GRM8: variants seen among roughly 807,000 people sequenced by gnomAD.
GRM8 encodes glutamate metabotropic receptor 8.
A neutral mutation model predicts 87.2 loss-of-function variants in GRM8; 47 were observed. That is an observed-to-expected ratio of 0.54 (90% CI 0.43 to 0.69). GRM8 has a LOEUF of 0.69. Ranked by LOEUF, GRM8 falls within the 30% of genes least tolerant of loss-of-function variation. The pLI is 0.00. For missense variants in GRM8, 1,019 were observed against 1,139.2 expected (o/e 0.89, Z 1.52); for synonymous variants, 396 against 404.5 (o/e 0.98, Z 0.25).
At chr7:127,159,889 C>T (rs938227604) in intron 2 of GRM8, among the ~76,000 whole-genome samples, 1 of 152,118 alleles carries the variant, frequency 6.6e-6, no homozygotes, top group South Asian at 2.1e-4. Flanking sequence ...TGCAATAAAA[C>T]ATGCTCGCAA....
chr7:127,159,033 A>C (rs544097898), intron 2 of GRM8, among the ~76,000 whole-genome samples: 260 of 152,276 alleles, frequency 1.7e-3, no homozygotes, highest in Non-Finnish European at 2.7e-3. Context: ...CCTGTATGGA[A>C]ATTACGCTGA....
intron 9 of GRM8, among the ~76,000 whole-genome samples, chr7:126,504,494 T>A (rs1810137210): frequency 6.6e-6 from 1 of 151,982 alleles, no homozygotes; most frequent in Non-Finnish European, 1.5e-5. Flanking sequence ...GACTTTTAAT[T>A]TTTTATGTAT....
intron 8 of GRM8, among the ~76,000 whole-genome samples, chr7:126,566,922 G>A (rs918890282): frequency 6.6e-6 from 1 of 152,168 alleles, no homozygotes; most frequent in African/African-American, 2.4e-5. Flanking sequence ...AAATAAGCCA[G>A]TAACAGAAAG....
intron 3 of GRM8, among the ~76,000 whole-genome samples, chr7:127,069,497 A>G (rs559015883): frequency 6.6e-6 from 1 of 152,220 alleles, no homozygotes; most frequent in East Asian, 1.9e-4. Context: ...AAAAAAAGAA[A>G]TCACCCCTTT....
At chr7:126,520,059 GT>G (rs1357081780) in intron 9 of GRM8, among the ~76,000 whole-genome samples, 1 of 151,564 alleles carries the variant, frequency 6.6e-6, no homozygotes, top group Non-Finnish European at 1.5e-5. Flanking sequence ...CATAAGGTAG[GT>G]TTTAAGCCTG....
At chr7:126,910,971 T>C (rs532215390) in intron 3 of GRM8, among the ~76,000 whole-genome samples, 1 of 152,326 alleles carries the variant, frequency 6.6e-6, no homozygotes, top group Non-Finnish European at 1.5e-5. Flanking sequence ...TCATAATAAC[T>C]ATCTCTCAGG....
At chr7:127,055,585 A>C (rs1819898960) in intron 3 of GRM8, among the ~76,000 whole-genome samples, 1 of 152,172 alleles carries the variant, frequency 6.6e-6, no homozygotes, top group African/African-American at 2.4e-5. Context: ...AGGTGATTGC[A>C]AAAGACTTAT....
At chr7:126,670,538 T>C (rs4728047) in intron 7 of GRM8, among the ~76,000 whole-genome samples, 2 of 152,170 alleles carry the variant, frequency 1.3e-5, no homozygotes, top group Non-Finnish European at 2.9e-5. Flanking sequence ...GACATTTTGT[T>C]ATTCACAGAC....
At chr7:126,549,018 A>C (rs1817482491) in intron 8 of GRM8, among the ~76,000 whole-genome samples, 1 of 152,202 alleles carries the variant, frequency 6.6e-6, no homozygotes, top group African/African-American at 2.4e-5. Flanking sequence ...TCAAATTTAA[A>C]TCCACATAGA....
chr7:127,125,765 A>AACACACACACACACAC (rs375563287), intron 2 of GRM8, among the ~76,000 whole-genome samples: 3,407 of 141,046 alleles, frequency 0.024, 56 homozygotes, highest in Middle Eastern at 0.04. Context: ...CAAACAACTA[A>AACACACACACACACAC]ACACACACAC....
chr7:126,561,515 A>G (rs1793694761), intron 8 of GRM8, among the ~76,000 whole-genome samples: 2 of 152,032 alleles, frequency 1.3e-5, no homozygotes, highest in Non-Finnish European at 1.5e-5. Flanking sequence ...ATGCTATACC[A>G]TATTATTACC....
At chr7:126,535,882 G>A (rs549650293) in intron 8 of GRM8, among the ~76,000 whole-genome samples, 1 of 152,228 alleles carries the variant, frequency 6.6e-6, no homozygotes, top group African/African-American at 2.4e-5. Flanking sequence ...CACCTAGAAA[G>A]TCATCATCTG....
In GRM8 at chr7:126,673,271, C is replaced by T. The variant is rs142585282; in HGVS notation, c.1358-63773G>A. Among the ~76,000 whole-genome samples the T allele has an allele frequency of 3.0e-3, 463 of 152,236 alleles. 1 individual carries two copies. Among genetic ancestry groups the T allele is most frequent in the Non-Finnish European group, 5.1e-3 (346 of 68,010 alleles). On this transcript the variant is annotated intron_variant, in intron 7 of 10. Transcript: ENST00000339582. Reference sequence around the variant, plus strand: ...ACTGTTCAGATGATCTGCAAGCCTACGTTTTTATGGCTTTGGGACAGACAA... The same window carrying T: ...ACTGTTCAGATGATCTGCAAGCCTATGTTTTTATGGCTTTGGGACAGACAA...
At chr7:127,085,747 C>T (rs961068640) in intron 3 of GRM8, among the ~76,000 whole-genome samples, 3 of 152,092 alleles carry the variant, frequency 2.0e-5, no homozygotes, top group Admixed American at 6.6e-5. Context: ...TTCTCCTATT[C>T]GCAGGTTGCC....
chr7:126,606,205 G>C (rs1798326243), intron 8 of GRM8, among the ~76,000 whole-genome samples: 1 of 152,192 alleles, frequency 6.6e-6, no homozygotes, highest in African/African-American at 2.4e-5. Flanking sequence ...TAAATGCAGA[G>C]ACTGTCTCTG....
chr7:126,577,174 G>A (rs2237745), intron 8 of GRM8, among the ~76,000 whole-genome samples: 46,960 of 152,004 alleles, frequency 0.31, 8,129 homozygotes, highest in East Asian at 0.44. Context: ...GAGAGCAGAG[G>A]TTTAGGTTAT....
intron 7 of GRM8, among the ~76,000 whole-genome samples, chr7:126,646,046 G>A (rs752592462): frequency 6.6e-6 from 1 of 152,062 alleles, no homozygotes; most frequent in East Asian, 1.9e-4. Flanking sequence ...GTTACATTAA[G>A]GGTCAATCCC....
chr7:126,948,883 C>T (rs749204296), intron 3 of GRM8, among the ~76,000 whole-genome samples: 4 of 152,172 alleles, frequency 2.6e-5, no homozygotes, highest in Non-Finnish European at 5.9e-5. Flanking sequence ...ACCCCAGAGA[C>T]CCACAGTAAG....
intron 9 of GRM8, among the ~76,000 whole-genome samples, chr7:126,483,337 C>T (rs1806940310): frequency 6.6e-6 from 1 of 150,582 alleles, no homozygotes; most frequent in African/African-American, 2.4e-5. Context: ...TTCATATTTC[C>T]TCAACACTTA....
Sources: gnomAD v4.1 joint callset for allele counts (sites outside exome capture counted in the v4.1 genomes callset) on GRCh38, gnomAD v4.1.1 for gene constraint, MANE v1.5 for transcripts, NCBI Gene and HGNC (gene_info 2026-07-23, HGNC 2026-07-21) for gene names.